Variants in ZNF514 observed in about 807,000 individuals in gnomAD.
The protein encoded by ZNF514 is zinc finger protein 514.
In ZNF514, 12 loss-of-function variants were observed where a neutral mutation model predicts 9.7. The ratio of observed to expected loss-of-function variants is 1.24; its 90% CI spans 0.79 to 2.01. The LOEUF (loss-of-function observed/expected upper bound fraction) is 2.01, where lower values mean the gene tolerates loss of function less well. Ranked by LOEUF, ZNF514 falls within the 30% of genes most tolerant of loss-of-function variation. The probability of loss-of-function intolerance (pLI) is 0.00; values close to 1 mark genes in which losing one functional copy is unlikely to be tolerated. For missense variants in ZNF514, 467 were observed against 465.5 expected, an observed-to-expected ratio of 1.00 and a Z score of -0.03; for synonymous variants, 158 against 163.7, an observed-to-expected ratio of 0.97 and a Z score of 0.27.
At chr2:95,152,096 T>C (rs1673560439) in intron 4 of ZNF514, among the ~76,000 whole-genome samples, 1 of 152,178 alleles carries the variant, frequency 6.6e-6, no homozygotes, top group Non-Finnish European at 1.5e-5. Context: ...GAGTCAAGAA[T>C]TCTGCTCCAA....
the ZNF514 span, among the ~76,000 whole-genome samples, chr2:95,137,530 G>A: frequency 9.9e-5 from 15 of 152,118 alleles, no homozygotes; most frequent in Non-Finnish European, 5.9e-5. Context: ...CATAGTCCTG[G>A]AAAAACTGTA....
chr2:95,135,390 C>A, the ZNF514 span, among the ~76,000 whole-genome samples: 1 of 145,876 alleles, frequency 6.9e-6, no homozygotes, highest in Admixed American at 6.9e-5. Context: ...TCCTTCCTTC[C>A]TTCCCTCCTT....
chr2:95,149,379 T>C lies in ZNF514; in HGVS notation c.1106A>G (p.Glu369Gly). 6.2e-7 allele frequency: 1 copy of C among 1,614,240 alleles called. No homozygotes were observed. Among genetic ancestry groups the C allele is most frequent in the Non-Finnish European group, 8.5e-7 (1 of 1,180,032 alleles). ...ACACTCATTACATTTGTAGGGTTTC[T>C]CTCCAGTGTGAAATCTGTAATGTTG... The part of the protein sequence containing the change: ...LTQHYRFHTG[E>G]KPYKCNECGR... Residue 369 changes from glutamate to glycine, a missense_variant, in exon 5 of 5, where the codon GAG becomes GGG. Coordinates refer to ENST00000295208, the MANE Select transcript of ZNF514 (RefSeq NM_032788.3).
In ZNF514 at chr2:95,159,275, AAC is replaced by A; in HGVS notation, c.-133_-132del. 3.9e-4 allele frequency: 63 copies of A among 160,622 alleles called. No individual in the cohort carries two copies. Among genetic ancestry groups the A allele is most frequent in the South Asian group, 1.1e-3 (7 of 6,614 alleles). The allele number at this position is 160,622 out of a possible 1,614,324, so 9.9% of individuals were successfully genotyped here. A position where few individuals can be genotyped will look rare whatever the true frequency, so the allele number is the denominator to read the frequency against. On this transcript the variant is annotated 5_prime_UTR_variant, in exon 1 of 5. Coordinates refer to ENST00000295208, the MANE Select transcript of ZNF514 (RefSeq NM_032788.3). Reference sequence around the variant, plus strand: ...GCTCCTCCTCAGGACCAGGCTCTGGAACCCAGCTCCCACGTGGATCCACACGC... The same window carrying A: ...GCTCCTCCTCAGGACCAGGCTCTGGACCAGCTCCCACGTGGATCCACACGC...
chr2:95,149,467 C>T lies in ZNF514; in HGVS notation c.1018G>A (p.Gly340Arg), dbSNP rs1451443101. The T allele has an allele frequency of 6.2e-7, 1 of 1,613,894 alleles. No individual in the cohort carries two copies. Residue 340 changes from glycine (G) to arginine (R), a missense_variant, in exon 5 of 5, where the codon GGA becomes AGA. By Grantham distance (125) the Gly-to-Arg change is moderately radical (BLOSUM62 -2). Coordinates refer to ENST00000295208, the MANE Select transcript of ZNF514 (RefSeq NM_032788.3). The stretch of plus-strand genomic sequence containing the variant: ...TTATTACATTTGTAAGGTTTCTCTC[C>T]AGTATGAAATCTGTAATGCACAATG... ...SLIVHYRFHT[G>R]EKPYKCNKCG...
the ZNF514 span, among the ~76,000 whole-genome samples, chr2:95,134,651 T>C: frequency 6.6e-6 from 1 of 152,222 alleles, no homozygotes; most frequent in African/African-American, 2.4e-5. Flanking sequence ...TCTGTCACCC[T>C]AGCTTAAAGA....
downstream of ZNF514, among the ~76,000 whole-genome samples, chr2:95,144,597 C>A (rs1463654499): frequency 6.6e-6 from 1 of 152,184 alleles, no homozygotes; most frequent in African/African-American, 2.4e-5. Flanking sequence ...CTTCCCTATG[C>A]ATCTCATCCT....
chr2:95,126,371 CAAAA>C, the ZNF514 span, among the ~76,000 whole-genome samples: 21 of 51,422 alleles, frequency 4.1e-4, no homozygotes, highest in South Asian at 9.7e-4. Flanking sequence ...AACTCCATCT[CAAAA>C]AAAAAAAAAA....
intron 4 of ZNF514, 82 bp from the exon 5 acceptor site, chr2:95,150,349 G>T: frequency 7.2e-7 from 1 of 1,396,994 alleles, no homozygotes; most frequent in South Asian, 1.5e-5. Context: ...CTCCTATAAT[G>T]AATGTGAAAT....
At chr2:95,137,870 T>C in the ZNF514 span, among the ~76,000 whole-genome samples, 50 of 152,264 alleles carry the variant, frequency 3.3e-4, no homozygotes, top group African/African-American at 9.4e-4. Context: ...AATGTTGAGG[T>C]TGGGGCCTAG....
chr2:95,149,751 G>A lies in ZNF514; in HGVS notation c.734C>T (p.Ser245Leu). The change falls in exon 5 of 5, where the codon TCA becomes TTA. Residue 245 changes from serine to leucine, a missense_variant. By Grantham distance (145) the Ser-to-Leu change is moderately radical. Coordinates refer to ENST00000295208, the MANE Select transcript of ZNF514 (RefSeq NM_032788.3). ...SDCGRAFGHI[S>L]SLIKHQRTHT... ...AGTTCTTTGATGTTTAATAAGGGAT[G>A]AAATATGACCAAAGGCTCTTCCACA... The A allele has an allele frequency of 6.2e-7, 1 of 1,614,252 alleles. No homozygotes were observed. The highest frequency in any genetic ancestry group is 8.5e-7 in the Non-Finnish European group (1 of 1,180,044).
chr2:95,133,988 A>G, the ZNF514 span, among the ~76,000 whole-genome samples: 1 of 152,210 alleles, frequency 6.6e-6, no homozygotes. Flanking sequence ...TATTTCTCAC[A>G]ACTGCATGAG....
At chr2:95,154,882 A>T (rs1673648683) in intron 2 of ZNF514, 1 of 152,184 alleles carries the variant, frequency 6.6e-6, no homozygotes, top group Non-Finnish European at 1.5e-5. Context: ...ACCTCTGAGT[A>T]ATTTCAAAAG....
the ZNF514 span, among the ~76,000 whole-genome samples, chr2:95,126,158 G>A: frequency 6.6e-6 from 1 of 152,006 alleles, no homozygotes; most frequent in Non-Finnish European, 1.5e-5. Flanking sequence ...ATCATCTGAG[G>A]TCAGGAGTTA....
chr2:95,144,788 T>C (rs1005862080), downstream of ZNF514, among the ~76,000 whole-genome samples: 9 of 152,182 alleles, frequency 5.9e-5, no homozygotes, highest in African/African-American at 1.9e-4. Flanking sequence ...ATGGCTGTTA[T>C]CTGAAGTGAG....
At chr2:95,129,224 A>G in the ZNF514 span, among the ~76,000 whole-genome samples, 1 of 152,258 alleles carries the variant, frequency 6.6e-6, no homozygotes, top group East Asian at 1.9e-4. Flanking sequence ...AAAACTATTA[A>G]GAAGCTTTTT....
rs1353019034 is a variant in ZNF514, at chr2:95,159,185, G to A, written c.-96+55C>T. ...GCCGGCAAACCCCGGTGCGCCCAGC[G>A]CGGCGCACTGCTGCCCGGGGTCGTG... On this transcript the variant is annotated intron_variant, in intron 1 of 4. Coordinates refer to ENST00000295208, the MANE Select transcript of ZNF514 (RefSeq NM_032788.3). 3.3e-5 allele frequency: 10 copies of A among 303,052 alleles called. No homozygotes were observed. The East Asian group carries it at 1.1e-3, about 33-fold the overall frequency. 18.8% of individuals were successfully genotyped at this position (303,052 alleles called of 1,614,324 possible). A position where few individuals can be genotyped will look rare whatever the true frequency, so the allele number is the denominator to read the frequency against.
chr2:95,157,416 G>A lies in ZNF514; in HGVS notation c.-72C>T, dbSNP rs1376151878. 1.6e-6 allele frequency: 2 copies of A among 1,289,504 alleles called. No homozygotes were observed. The highest frequency in any genetic ancestry group is 2.1e-4 in the Middle Eastern group (1 of 4,716). 79.9% of individuals were successfully genotyped at this position (1,289,504 alleles called of 1,614,324 possible). On this transcript the variant is annotated 5_prime_UTR_variant, in exon 2 of 5. Coordinates refer to ENST00000295208, the MANE Select transcript of ZNF514 (RefSeq NM_032788.3). ...TCTCCTGGGAATCTCTCTGGAGGAA[G>A]AGCAGGATTCTGAGAAGGGGAAGCT...
chr2:95,153,086 GA>G, intron 3 of ZNF514, 46 bp downstream of exon 3: 1 of 1,582,262 alleles, frequency 6.3e-7, no homozygotes, highest in South Asian at 1.1e-5. Context: ...AAACATCAAG[GA>G]AATCAAGAAG....
Sources: allele counts gnomAD v4.1 joint callset (sites outside exome capture counted in the v4.1 genomes callset), GRCh38; gene constraint gnomAD v4.1.1; transcripts MANE v1.5; gene names NCBI Gene and HGNC (gene_info 2026-07-23, HGNC 2026-07-21).